Variants in RARS2 observed in about 807,000 individuals in gnomAD.
RARS2 encodes the protein arginyl-tRNA synthetase 2, mitochondrial, also known as probable arginine--tRNA ligase, mitochondrial.
Under a neutral mutation model 88.5 loss-of-function variants are expected in RARS2, and 67 were observed. That is an observed-to-expected ratio of 0.76 (90% confidence interval 0.62 to 0.93). RARS2 has a LOEUF of 0.93. RARS2 is among the 40% of genes least tolerant of loss of function. The pLI, the probability that RARS2 is intolerant of heterozygous loss-of-function variation, is 0.00. For synonymous variants in RARS2, 239 were observed against 230.3 expected (o/e 1.04, Z -0.34); for missense variants, 664 against 684.2 (o/e 0.97, Z 0.33).
chr6:87,517,097 T>C (rs1772015583), intron 17 of RARS2, among the ~76,000 whole-genome samples: 1 of 152,088 alleles, frequency 6.6e-6, no homozygotes, highest in South Asian at 2.1e-4. Flanking sequence ...GCCAATATGA[T>C]GAAACCCCAT....
At chr6:87,584,377 T>C (rs1222386357) in intron 1 of RARS2, among the ~76,000 whole-genome samples, 1 of 152,218 alleles carries the variant, frequency 6.6e-6, no homozygotes, top group African/African-American at 2.4e-5. Flanking sequence ...TTGCAACTCC[T>C]GACATTAAGC....
intron 5 of RARS2, among the ~76,000 whole-genome samples, chr6:87,551,356 T>G (rs1784269260): frequency 6.6e-6 from 1 of 152,078 alleles, no homozygotes; most frequent in Non-Finnish European, 1.5e-5. Context: ...CCGGGCATGG[T>G]CGCTCACGTC....
At chr6:87,548,675 A>C in intron 5 of RARS2, 29 bp from the exon 6 acceptor site, 1 of 1,598,598 alleles carries the variant, frequency 6.3e-7, no homozygotes. Context: ...ACATTTCTCT[A>C]TTCTAAGACT....
intron 8 of RARS2, among the ~76,000 whole-genome samples, chr6:87,538,938 GTGGGAGAATCACCTGAGCC>G (rs2128098353): frequency 6.6e-6 from 1 of 152,110 alleles, no homozygotes; most frequent in East Asian, 1.9e-4. Context: ...GGTTGCTGAG[GTGGGAGAATCACCTGAGCC>G]TGGGAGGTCA....
intron 9 of RARS2, among the ~76,000 whole-genome samples, chr6:87,530,454 C>T (rs1777103819): frequency 6.6e-6 from 1 of 152,108 alleles, no homozygotes; most frequent in South Asian, 2.1e-4. Flanking sequence ...TGTATTATCC[C>T]CTACCCACCA....
intron 8 of RARS2, 137 bp from the exon 9 acceptor site, chr6:87,531,079 T>C: frequency 7.2e-7 from 1 of 1,381,946 alleles, no homozygotes; most frequent in South Asian, 1.3e-5. Context: ...AGAGTGTAAC[T>C]TTTTCTTTTT....
At chr6:87,528,444 C>T (rs2128053067) in intron 10 of RARS2, among the ~76,000 whole-genome samples, 1 of 152,190 alleles carries the variant, frequency 6.6e-6, no homozygotes, top group African/African-American at 2.4e-5. Context: ...ATCAGTATGT[C>T]CAAGTGAAAT....
Sources: gnomAD v4.1 joint callset for allele counts (sites outside exome capture counted in the v4.1 genomes callset) on GRCh38, gnomAD v4.1.1 for gene constraint, MANE v1.5 for transcripts, NCBI Gene and HGNC (gene_info 2026-07-23, HGNC 2026-07-21) for gene names.